The following INPP5A variants were observed in gnomAD, a reference collection of about 807,000 sequenced individuals.
INPP5A encodes the protein 43 kDa inositol polyphosphate 5-phophatase.
A neutral mutation model predicts 65.2 loss-of-function variants in INPP5A; 14 were observed. The observed-to-expected ratio is 0.21, with a 90% CI of 0.14 to 0.34. INPP5A has a LOEUF of 0.34. Among genes scored for constraint, INPP5A ranks in the 10% least tolerant of loss-of-function variants. The pLI is 1.00. For synonymous variants in INPP5A, 207 were observed against 208.3 expected (o/e 0.99, Z 0.05); for missense variants, 431 against 545.6 (o/e 0.79, Z 2.09).
chr10:132,734,257 C>T (rs762565893), intron 9 of INPP5A, among the ~76,000 whole-genome samples: 1 of 152,200 alleles, frequency 6.6e-6, no homozygotes, highest in East Asian at 1.9e-4. Context: ...CAGTGGCCAC[C>T]GTCACTGCCC....
rs896559757 is a variant in INPP5A, at chr10:132,549,664, G to A, written c.75+11493G>A. On this transcript the variant is annotated intron_variant, in intron 1 of 15. Transcript: ENST00000368594. This position sits in a 1 kb window ranked among gnomAD's most constrained non-coding sequence, Gnocchi z 4.9. ...AGGTGAAGCAGGAGCAGACAGGTGC[G>A]TGTCCTGGAGCTCTGCAGCTGCAGG... 8.5e-5 allele frequency among the ~76,000 whole-genome samples: 13 copies of A among 152,214 alleles called. No individual in the cohort carries two copies. Among genetic ancestry groups the A allele is most frequent in the East Asian group, 1.9e-4 (1 of 5,186 alleles).
At position 132,537,842 on chromosome 10, in the gene INPP5A, T is replaced by G; in HGVS notation, c.-255T>G. The G allele has an allele frequency of 1.1e-4, 29 of 269,540 alleles. No individual in the cohort carries two copies. The highest frequency in any genetic ancestry group is 2.4e-4 in the East Asian group (4 of 16,826). 16.7% of individuals were successfully genotyped at this position (269,540 alleles called of 1,614,324 possible). ...GCGGGAACTTTCCCAGCGGATCTAA[T>G]GGCTGCGCGCGGGCCGCTGTGAGGC... On this transcript the variant is annotated 5_prime_UTR_variant, in exon 1 of 16. The change abolishes an upstream ATG in the 5' untranslated region. Coordinates refer to ENST00000368594, the MANE Select transcript of INPP5A (RefSeq NM_005539.5).
intron 11 of INPP5A, among the ~76,000 whole-genome samples, chr10:132,756,836 G>T (rs1411242551): frequency 6.6e-6 from 1 of 152,202 alleles, no homozygotes; most frequent in Non-Finnish European, 1.5e-5. Flanking sequence ...GGTTGCCCCT[G>T]AGGGCCTTTC....
At chr10:132,552,978 T>C (rs545136567) in intron 1 of INPP5A, among the ~76,000 whole-genome samples, 110 of 105,050 alleles carry the variant, frequency 1.0e-3, no homozygotes, top group African/African-American at 4.1e-3. Flanking sequence ...GGAGGATTGG[T>C]GAACGCCTTC....
chr10:132,661,473 G>T (rs1467750200), intron 4 of INPP5A, among the ~76,000 whole-genome samples: 3 of 152,136 alleles, frequency 2.0e-5, no homozygotes, highest in East Asian at 1.9e-4. Flanking sequence ...AATAAATTAG[G>T]TCAAGATGTG....
rs978432862 is a variant in INPP5A, at chr10:132,753,159, G to C, written c.903+3314G>C. Among the ~76,000 whole-genome samples the C allele has an allele frequency of 6.6e-6, 1 of 152,148 alleles. No individual in the cohort carries two copies. The highest frequency in any genetic ancestry group is 1.5e-5 in the Non-Finnish European group (1 of 68,028). The stretch of plus-strand genomic sequence containing the variant: ...CGCCCCATGGGTTCCTGCTGACCCG[G>C]GTGCCCTCGCACTTGCCCGAGGTGC... On this transcript the variant is annotated intron_variant, in intron 11 of 15. Transcript: ENST00000368594. This position sits in a 1 kb window ranked among gnomAD's most constrained non-coding sequence, Gnocchi z 5.3.
At chr10:132,669,349 T>G (rs1454782544) in intron 4 of INPP5A, among the ~76,000 whole-genome samples, 1 of 152,196 alleles carries the variant, frequency 6.6e-6, no homozygotes, top group Admixed American at 6.5e-5. Flanking sequence ...AGGCCTTCCC[T>G]GTGAGGCGGG....
At chr10:132,764,120 C>G (rs1186488628) in intron 11 of INPP5A, among the ~76,000 whole-genome samples, 1 of 152,282 alleles carries the variant, frequency 6.6e-6, no homozygotes, top group East Asian at 1.9e-4. Context: ...CTGTGAACGC[C>G]TGTGCTCCAG....
chr10:132,776,170 G>T (rs1847060052), intron 12 of INPP5A, among the ~76,000 whole-genome samples: 2 of 152,216 alleles, frequency 1.3e-5, no homozygotes, highest in African/African-American at 4.8e-5. Flanking sequence ...TCTCCTGAAA[G>T]CATGTGCAGC....
In INPP5A at chr10:132,782,973, C is replaced by T. The variant is rs963444316; in HGVS notation, c.*944C>T. On this transcript the variant is annotated 3_prime_UTR_variant, in exon 16 of 16. Coordinates refer to ENST00000368594, the MANE Select transcript of INPP5A (RefSeq NM_005539.5). This position sits in a 1 kb window ranked among gnomAD's most constrained non-coding sequence, Gnocchi z 4.4. Reference sequence around the variant, plus strand: ...TGGTGCCAAGTATCCTACGTTACAACAATAATATCATGGGAGAAATAGAAA... The same window carrying T: ...TGGTGCCAAGTATCCTACGTTACAATAATAATATCATGGGAGAAATAGAAA... 7.9e-5 allele frequency: 12 copies of T among 152,444 alleles called. No individual in the cohort carries two copies. Among genetic ancestry groups the T allele is most frequent in the Non-Finnish European group, 1.8e-4 (12 of 68,022 alleles). The allele number at this position is 152,444 out of a possible 1,614,324, so 9.4% of individuals were successfully genotyped here.
At chr10:132,728,852 G>C (rs1197591048) in intron 9 of INPP5A, among the ~76,000 whole-genome samples, 1 of 152,212 alleles carries the variant, frequency 6.6e-6, no homozygotes, top group Non-Finnish European at 1.5e-5. Context: ...AAGGGAGCCA[G>C]CTGCTGAGCC....
intron 5 of INPP5A, among the ~76,000 whole-genome samples, chr10:132,691,981 C>T (rs1033485861): frequency 2.0e-5 from 3 of 152,112 alleles, no homozygotes; most frequent in African/African-American, 2.4e-5. Context: ...GGGAGGCATG[C>T]GGATGCTGAC....
intron 9 of INPP5A, among the ~76,000 whole-genome samples, chr10:132,745,403 C>G (rs1846350816): frequency 6.6e-6 from 1 of 152,200 alleles, no homozygotes; most frequent in South Asian, 2.1e-4. Flanking sequence ...GAACTGGACT[C>G]TCCGTGTGGC....
intron 2 of INPP5A, among the ~76,000 whole-genome samples, chr10:132,640,042 C>A (rs1255159302): frequency 6.6e-6 from 1 of 152,220 alleles, no homozygotes; most frequent in African/African-American, 2.4e-5. Flanking sequence ...CTGTGTCCGG[C>A]ATTGGTGTTG....
intron 4 of INPP5A, among the ~76,000 whole-genome samples, chr10:132,689,841 T>C (rs1368933706): frequency 6.6e-6 from 1 of 152,202 alleles, no homozygotes; most frequent in Non-Finnish European, 1.5e-5. Flanking sequence ...ATCCGGCTAA[T>C]TTGTAAGTGG....
chr10:132,720,354 A>C (rs1284653850), intron 8 of INPP5A, among the ~76,000 whole-genome samples: 5 of 120,938 alleles, frequency 4.1e-5, no homozygotes, highest in East Asian at 5.1e-4. Context: ...AGCTGTCTTC[A>C]GGGTTCTGTG....
At chr10:132,686,547 A>G (rs1036819292) in intron 4 of INPP5A, among the ~76,000 whole-genome samples, 12 of 152,182 alleles carry the variant, frequency 7.9e-5, no homozygotes, top group African/African-American at 2.7e-4. Context: ...CCTGAACCGT[A>G]TTGATGGGAC....
At chr10:132,639,713 G>A (rs568842543) in intron 2 of INPP5A, among the ~76,000 whole-genome samples, 14 of 152,252 alleles carry the variant, frequency 9.2e-5, no homozygotes, top group South Asian at 4.1e-4. Context: ...CTCCGACTAC[G>A]CGTAGAGTAG....
At chr10:132,672,642 T>C (rs1361408990) in intron 4 of INPP5A, among the ~76,000 whole-genome samples, 1 of 152,220 alleles carries the variant, frequency 6.6e-6, no homozygotes. Context: ...TTTTGTAAAT[T>C]CCTCAGTCTC....
Sources: gnomAD v4.1 joint callset for allele counts (sites outside exome capture counted in the v4.1 genomes callset) on GRCh38, gnomAD v4.1.1 for gene constraint, Gnocchi (gnomAD v3.1) non-coding constraint, MANE v1.5 for transcripts, NCBI Gene and HGNC (gene_info 2026-07-23, HGNC 2026-07-21) for gene names.